Variants in EPHA3 observed in about 807,000 individuals in gnomAD.
EPHA3 encodes the protein ephrin type-A receptor 3.
EPHA3 carries 42 observed loss-of-function variants against 107.1 expected under a neutral mutation model. The observed-to-expected ratio is 0.39, with a 90% CI of 0.31 to 0.51. The LOEUF is 0.51. Among genes scored for constraint, EPHA3 ranks in the 20% least tolerant of loss-of-function variants. The pLI, the probability that EPHA3 is intolerant of heterozygous loss-of-function variation, is 0.78. For missense variants in EPHA3, 1,183 were observed against 1,211.2 expected (o/e 0.98, Z 0.35); for synonymous variants, 461 against 424.8 (o/e 1.09, Z -1.05).
At chr3:89,378,641 T>C (rs1381310401) in intron 5 of EPHA3, among the ~76,000 whole-genome samples, 2 of 152,188 alleles carry the variant, frequency 1.3e-5, no homozygotes, top group East Asian at 3.9e-4. Context: ...TTGCTCTATA[T>C]AGGCTAATGA....
At chr3:89,229,524 A>T (rs1704578062) in intron 3 of EPHA3, among the ~76,000 whole-genome samples, 1 of 151,220 alleles carries the variant, frequency 6.6e-6, no homozygotes. Context: ...TTTTATTTTA[A>T]TTAAAATAGT....
chr3:89,117,180 T>C (rs1391609286), intron 1 of EPHA3, among the ~76,000 whole-genome samples: 1 of 152,118 alleles, frequency 6.6e-6, no homozygotes, highest in Admixed American at 6.6e-5. Context: ...AAGGTTAATA[T>C]AGGTTTTTTC....
chr3:89,111,358 A>G (rs1244642293), intron 1 of EPHA3, among the ~76,000 whole-genome samples: 1 of 152,114 alleles, frequency 6.6e-6, no homozygotes, highest in Admixed American at 6.5e-5. Flanking sequence ...TTAATAGAGA[A>G]CTAAGCTATC....
At position 89,383,600 on chromosome 3, in the gene EPHA3, G is replaced by GAAACAA. The variant is rs1256486011; in HGVS notation, c.1307-12234_1307-12229dup. Among the ~76,000 whole-genome samples the GAAACAA allele has an allele frequency of 2.2e-5, 3 of 137,188 alleles. No homozygotes were observed. In the East Asian group the frequency reaches 7.3e-4, roughly 33 times the overall value. 90.0% of individuals were successfully genotyped at this position (137,188 alleles called of 152,430 possible). On this transcript the variant is annotated intron_variant, in intron 5 of 16. Coordinates refer to ENST00000336596, the MANE Select transcript of EPHA3 (RefSeq NM_005233.6). ...TGCTTTAAGACAAACAAATTAATAA[G>GAAACAA]AAACAAAACTTCACAGTGTGGTCAG...
intron 13 of EPHA3, among the ~76,000 whole-genome samples, chr3:89,448,590 T>C (rs1242263818): frequency 6.6e-6 from 1 of 152,160 alleles, no homozygotes; most frequent in African/African-American, 2.4e-5. Context: ...GGAATGTAAT[T>C]ATTATGTCTA....
At chr3:89,230,824 TCACACACACA>T (rs61566796) in intron 3 of EPHA3, among the ~76,000 whole-genome samples, 1 of 139,574 alleles carries the variant, frequency 7.2e-6, no homozygotes, top group Non-Finnish European at 1.6e-5. Context: ...TCTCTCTCTC[TCACACACACA>T]CACACACACA....
chr3:89,235,946 C>A (rs547054576), intron 3 of EPHA3, among the ~76,000 whole-genome samples: 2 of 151,786 alleles, frequency 1.3e-5, no homozygotes, highest in Non-Finnish European at 2.9e-5. Context: ...CCCCACAAAG[C>A]AAACATATAT....
At chr3:89,241,103 G>A (rs1704883773) in intron 3 of EPHA3, among the ~76,000 whole-genome samples, 1 of 151,354 alleles carries the variant, frequency 6.6e-6, no homozygotes, top group Non-Finnish European at 1.5e-5. Flanking sequence ...TTAATTTGAA[G>A]CAGTCAAATA....
intron 3 of EPHA3, among the ~76,000 whole-genome samples, chr3:89,250,801 G>A (rs1576264896): frequency 6.6e-6 from 1 of 152,252 alleles, no homozygotes; most frequent in South Asian, 2.1e-4. Flanking sequence ...AGTATTTTAT[G>A]TCTAATAGCA....
At chr3:89,282,727 A>G (rs1369013317) in intron 3 of EPHA3, among the ~76,000 whole-genome samples, 2 of 152,140 alleles carry the variant, frequency 1.3e-5, no homozygotes, top group Non-Finnish European at 2.9e-5. Context: ...TGAAAAATGA[A>G]CTGGGTTATT....
chr3:89,431,443 C>A, intron 13 of EPHA3, 84 bp downstream of exon 13: 1 of 1,147,562 alleles, frequency 8.7e-7, no homozygotes, highest in Non-Finnish European at 1.2e-6. Flanking sequence ...AAATCATGAC[C>A]CAAAACGTGT....
In EPHA3 at chr3:89,108,122, A is replaced by C. The variant is rs572141182; in HGVS notation, c.88+286A>C. Among the ~76,000 whole-genome samples, 5 of 152,316 alleles carry C rather than the reference A, an allele frequency of 3.3e-5. No individual in the cohort carries two copies. In the South Asian group the frequency reaches 1.0e-3, roughly 32 times the overall value. ...CAGAAAGAAAGAAAGAAAATCCTCC[A>C]GCGTTGCAACCCAGTTATGTTAATT... On this transcript the variant is annotated intron_variant, in intron 1 of 16. Coordinates refer to ENST00000336596, the MANE Select transcript of EPHA3 (RefSeq NM_005233.6).
chr3:89,285,989 T>C (rs973657329), intron 3 of EPHA3, among the ~76,000 whole-genome samples: 2 of 152,086 alleles, frequency 1.3e-5, no homozygotes, highest in Non-Finnish European at 2.9e-5. Context: ...CTTAATTGTC[T>C]GCATATGGTG....
At chr3:89,370,683 A>G (rs1708282790) in intron 5 of EPHA3, among the ~76,000 whole-genome samples, 1 of 151,766 alleles carries the variant, frequency 6.6e-6, no homozygotes, top group Non-Finnish European at 1.5e-5. Context: ...AACAAAATAC[A>G]TTAGTTGTAT....
At chr3:89,478,861 T>G (rs1207229856) in intron 16 of EPHA3, among the ~76,000 whole-genome samples, 1 of 152,212 alleles carries the variant, frequency 6.6e-6, no homozygotes, top group Non-Finnish European at 1.5e-5. Context: ...AGTTTTTTCT[T>G]AGAATTCTGG....
chr3:89,384,939 G>C (rs191543222), intron 5 of EPHA3, among the ~76,000 whole-genome samples: 1 of 152,210 alleles, frequency 6.6e-6, no homozygotes, highest in Admixed American at 6.5e-5. Context: ...AGGACCTAAA[G>C]AGATAAAAAT....
chr3:89,361,240 C>T (rs1348326952), intron 5 of EPHA3, among the ~76,000 whole-genome samples: 1 of 150,916 alleles, frequency 6.6e-6, no homozygotes, highest in Non-Finnish European at 1.5e-5. Context: ...GAAATAAAGA[C>T]CTATGAATTC....
chr3:89,267,201 A>C (rs752602947), intron 3 of EPHA3, among the ~76,000 whole-genome samples: 1 of 152,130 alleles, frequency 6.6e-6, no homozygotes, highest in Non-Finnish European at 1.5e-5. Flanking sequence ...AAGTAAGCTT[A>C]CCTTGCCAAA....
At chr3:89,117,533 A>G (rs1198102105) in intron 1 of EPHA3, among the ~76,000 whole-genome samples, 1 of 152,078 alleles carries the variant, frequency 6.6e-6, no homozygotes, top group Admixed American at 6.5e-5. Context: ...TTCCATGTGG[A>G]TTATCTAACT....
Sources: gnomAD v4.1 joint callset for allele counts (sites outside exome capture counted in the v4.1 genomes callset) on GRCh38, gnomAD v4.1.1 for gene constraint, MANE v1.5 for transcripts, NCBI Gene and HGNC (gene_info 2026-07-23, HGNC 2026-07-21) for gene names.